Variants in KCNQ1 observed in about 807,000 individuals in gnomAD.
KCNQ1 encodes potassium voltage-gated channel subfamily KQT member 1.
Under a neutral mutation model 72.4 loss-of-function variants are expected in KCNQ1, and 49 were observed. The ratio of observed to expected loss-of-function variants is 0.68; its 90% CI spans 0.54 to 0.86. The LOEUF (loss-of-function observed/expected upper bound fraction) is 0.86, where lower values mean the gene tolerates loss of function less well. Among genes scored for constraint, KCNQ1 ranks in the 40% least tolerant of loss-of-function variants. The pLI, the probability that KCNQ1 is intolerant of heterozygous loss-of-function variation, is 0.00. For missense variants in KCNQ1, 790 were observed against 945.1 expected (o/e 0.84, Z 2.15); for synonymous variants, 450 against 412.6 (o/e 1.09, Z -1.10).
intron 10 of KCNQ1, chr11:2,633,930 T>C (rs1849406171): frequency 2.5e-6 from 1 of 398,618 alleles, no homozygotes. Flanking sequence ...CCTTGTTAGA[T>C]TATGGGGAAA....
intron 10 of KCNQ1, chr11:2,616,057 T>A (rs1262804532): frequency 2.5e-6 from 1 of 398,058 alleles, no homozygotes; most frequent in African/African-American, 2.1e-5. Flanking sequence ...CTGCTCATAA[T>A]TTCAATTTCT....
intron 1 of KCNQ1, among the ~76,000 whole-genome samples, chr11:2,474,256 G>C (rs1413014856): frequency 1.3e-5 from 2 of 152,202 alleles, no homozygotes; most frequent in Non-Finnish European, 2.9e-5. Flanking sequence ...GTGACCAGTG[G>C]TGACTCTTGT....
rs991275819 is a variant in KCNQ1 at position 2,612,473 on chromosome 11, T to C, written c.1393+23619T>C. On this transcript the variant is annotated intron_variant, in intron 10 of 15. Transcript: ENST00000155840. The surrounding 1 kb of genome is among the most constrained non-coding windows in gnomAD (Gnocchi z 5.5). ...TATTCTTCAGTCTGAATCATCTTTA[T>C]GGATCTGCGTTGAAGTTCATTGATT... The C allele has an allele frequency of 2.5e-5, 10 of 398,536 alleles. No individual in the cohort carries two copies. Among genetic ancestry groups the C allele is most frequent in the Non-Finnish European group, 4.4e-5 (10 of 226,074 alleles). The allele number at this position is 398,536 out of a possible 1,614,324, so 24.7% of individuals were successfully genotyped here.
chr11:2,487,519 T>C (rs935971753), intron 1 of KCNQ1, among the ~76,000 whole-genome samples: 4 of 152,226 alleles, frequency 2.6e-5, no homozygotes, highest in Non-Finnish European at 4.4e-5. Flanking sequence ...TATGTTTCCA[T>C]TTATTTGCAT....
chr11:2,751,964 C>T (rs1374700558), intron 11 of KCNQ1, among the ~76,000 whole-genome samples: 2 of 152,242 alleles, frequency 1.3e-5, no homozygotes, highest in Non-Finnish European at 2.9e-5. Context: ...CAAAGATGCT[C>T]TTCTGCAAAG....
At chr11:2,741,046 T>G (rs186387094) in intron 11 of KCNQ1, among the ~76,000 whole-genome samples, 1 of 152,118 alleles carries the variant, frequency 6.6e-6, no homozygotes, top group Non-Finnish European at 1.5e-5. Context: ...TAGACTCCTT[T>G]GGGGGCGCCC....
At chr11:2,644,967 G>A (rs1213511561) in intron 10 of KCNQ1, 1 of 398,480 alleles carries the variant, frequency 2.5e-6, no homozygotes, top group Non-Finnish European at 4.4e-6. Flanking sequence ...CTTATCCTTG[G>A]GCCCAATGGT....
intron 6 of KCNQ1, among the ~76,000 whole-genome samples, chr11:2,581,628 A>G (rs1461239817): frequency 6.6e-6 from 1 of 152,172 alleles, no homozygotes; most frequent in African/African-American, 2.4e-5. Context: ...GTGCCCTGAG[A>G]GTGTCAGGCT....
chr11:2,533,763 C>G (rs2064915557), intron 2 of KCNQ1, among the ~76,000 whole-genome samples: 1 of 152,210 alleles, frequency 6.6e-6, no homozygotes, highest in Admixed American at 6.5e-5. Context: ...AGTAAGAGAC[C>G]CTGCCCTGGC....
rs1049914476 is a variant in KCNQ1 at position 2,682,253 on chromosome 11, G to A, written c.1514+20172G>A. The A allele has an allele frequency of 5.0e-6, 2 of 398,548 alleles. No individual in the cohort carries two copies. The highest frequency in any genetic ancestry group is 8.8e-6 in the Non-Finnish European group (2 of 226,066). 24.7% of individuals were successfully genotyped at this position (398,548 alleles called of 1,614,324 possible). ...GCTGAAATGTCCCTTCCTCAGAGGA[G>A]CCAATTTCTAAAGCTTAAGACTGGG... On this transcript the variant is annotated intron_variant, in intron 11 of 15. Transcript: ENST00000155840. The surrounding 1 kb of genome is among the most constrained non-coding windows in gnomAD (Gnocchi z 5.8).
In KCNQ1 at chr11:2,725,459, G is replaced by A. The variant is rs993983885; in HGVS notation, c.1515-43385G>A. Among the ~76,000 whole-genome samples, 1 of 152,216 alleles carries A rather than the reference G, an allele frequency of 6.6e-6. No individual in the cohort carries two copies. The highest frequency in any genetic ancestry group is 2.4e-5 in the African/African-American group (1 of 41,448). On this transcript the variant is annotated intron_variant, in intron 11 of 15. Transcript: ENST00000155840. The surrounding 1 kb of genome is among the most constrained non-coding windows in gnomAD (Gnocchi z 7.2). ...CCCACTTTTTGCGTGGAGGTGACCT[G>A]CCATTTGTCCGGTTGGGGGTCCCCA...
In KCNQ1 at chr11:2,531,292, C is replaced by T. The variant is rs552060542; in HGVS notation, c.477+3274C>T. ...GGGCTCCACATGCCCGTCTGCAGCT[C>T]GAGAATTAGACGTGCCCTGGGCTTC... is the stretch of plus-strand genomic sequence containing the variant. On this transcript the variant is annotated intron_variant, in intron 2 of 15. Coordinates refer to ENST00000155840, the MANE Select transcript of KCNQ1 (RefSeq NM_000218.3). Among the ~76,000 whole-genome samples the T allele has an allele frequency of 1.1e-4, 17 of 151,774 alleles. 3 individuals are homozygous for T. The South Asian group carries it at 3.3e-3, about 30-fold the overall frequency.
At position 2,566,457 on chromosome 11, in the gene KCNQ1, C is replaced by T. The variant is rs1232939017; in HGVS notation, c.478-4171C>T. Among the ~76,000 whole-genome samples, 1 of 152,158 alleles carries T rather than the reference C, an allele frequency of 6.6e-6. No individual in the cohort carries two copies. Among genetic ancestry groups the T allele is most frequent in the East Asian group, 1.9e-4 (1 of 5,172 alleles). ...CTGCGGGTGACCTGACCTAGTTGAG[C>T]CTGGCTTTCCTCCTCTGTAAAATGT... On this transcript the variant is annotated intron_variant, in intron 2 of 15. Transcript: ENST00000155840. This position sits in a 1 kb window ranked among gnomAD's most constrained non-coding sequence, Gnocchi z 6.7.
intron 1 of KCNQ1, among the ~76,000 whole-genome samples, chr11:2,521,799 C>A (rs1476243466): frequency 6.6e-6 from 1 of 152,264 alleles, no homozygotes; most frequent in African/African-American, 2.4e-5. Context: ...GCACAGCCCC[C>A]ACCCGGACTG....
chr11:2,758,022 G>A (rs1044509174), intron 11 of KCNQ1, among the ~76,000 whole-genome samples: 6 of 152,190 alleles, frequency 3.9e-5, no homozygotes, highest in African/African-American at 1.4e-4. Context: ...TTCTCACATT[G>A]GATGCTAAAA....
intron 15 of KCNQ1, among the ~76,000 whole-genome samples, chr11:2,801,942 G>C (rs1028587626): frequency 6.6e-6 from 1 of 152,250 alleles, no homozygotes. Context: ...CTGGAGCCCC[G>C]GGCAGGCCCA....
At position 2,659,991 on chromosome 11, in the gene KCNQ1, G is replaced by A; in HGVS notation, c.1394-1970G>A. The A allele has an allele frequency of 2.5e-6, 1 of 398,354 alleles. No homozygotes were observed. Among genetic ancestry groups the A allele is most frequent in the Non-Finnish European group, 4.4e-6 (1 of 225,966 alleles). The allele number at this position is 398,354 out of a possible 1,614,324, so 24.7% of individuals were successfully genotyped here. On this transcript the variant is annotated intron_variant, in intron 10 of 15. Coordinates refer to ENST00000155840, the MANE Select transcript of KCNQ1 (RefSeq NM_000218.3). This position sits in a 1 kb window ranked among gnomAD's most constrained non-coding sequence, Gnocchi z 4.3. ...AATATTCTTTCCAAGTCTGTGCTTT[G>A]TCTTTTCATTCCATTAGCAGTGTCT...
At chr11:2,730,079 G>A (rs558921200) in intron 11 of KCNQ1, among the ~76,000 whole-genome samples, 8 of 152,190 alleles carry the variant, frequency 5.3e-5, no homozygotes, top group Non-Finnish European at 1.0e-4. Flanking sequence ...GGCTGGCCCC[G>A]AGTGCGGTGT....
In KCNQ1 at chr11:2,588,727, G is replaced by C. The variant is rs1589969380; in HGVS notation, c.1266G>C (p.Lys422Asn). The C allele has an allele frequency of 6.2e-7, 1 of 1,613,656 alleles. No homozygotes were observed. Residue 422 changes from lysine (K) to asparagine (N), a missense_variant, in exon 10 of 16, where the codon AAG becomes AAC. Physicochemically the swap from Lys to Asn is moderately conservative, Grantham distance 94. Around this residue, in one of 5 missense-constraint regions of KCNQ1, gnomAD observed 178 missense variants for 177.9 expected, o/e 1.00. Transcript: ENST00000155840. This position sits in a 1 kb window ranked among gnomAD's most constrained non-coding sequence, Gnocchi z 5.6. ...GTTTTTTTTAGGTAAAGAAAAAAAA[G>C]TTCAAGCTGGACAAAGACAATGGGG... is the stretch of plus-strand genomic sequence containing the variant. ...PKKSVVVKKKKFKLDKDNGVT... is the reference protein window; with the variant it reads ...PKKSVVVKKKNFKLDKDNGVT...
Sources: gnomAD v4.1 joint callset for allele counts (sites outside exome capture counted in the v4.1 genomes callset) on GRCh38, gnomAD v4.1.1 for gene constraint, gnomAD v4.1.1 regional missense constraint, Gnocchi (gnomAD v3.1) non-coding constraint, MANE v1.5 for transcripts, NCBI Gene and HGNC (gene_info 2026-07-23, HGNC 2026-07-21) for gene names.